NISCH: variants seen among roughly 807,000 people sequenced by gnomAD.
NISCH encodes the protein nischarin.
Under a neutral mutation model 138.4 loss-of-function variants are expected in NISCH, and 55 were observed. The observed-to-expected ratio is 0.40, with a 90% CI of 0.32 to 0.50. NISCH has a LOEUF of 0.50. Among genes scored for constraint, NISCH ranks in the 20% least tolerant of loss-of-function variants. NISCH has a pLI of 0.71. For missense variants in NISCH, 1,643 were observed against 2,005.5 expected (o/e 0.82, Z 3.45); for synonymous variants, 860 against 861.5 (o/e 1.00, Z 0.03).
chr3:52,491,607 C>G, intron 20 of NISCH, 94 bp downstream of exon 20: 2 of 1,366,486 alleles, frequency 1.5e-6, no homozygotes, highest in African/African-American at 1.5e-5. Context: ...CTCTCTGCCT[C>G]TATGTCTCTC....
Position 52,491,940 on chromosome 3 carries a change from A to G in NISCH, c.3973A>G (p.Ile1325Val), listed in dbSNP as rs200062389. 2 of 1,613,526 alleles carry G rather than the reference A, an allele frequency of 1.2e-6. No homozygotes were observed. The highest frequency in any genetic ancestry group is 1.7e-5 in the Admixed American group (1 of 60,030). ...VKFTYPSEEEIGDLTFTVAQK... is the reference protein window; with the variant it reads ...VKFTYPSEEEVGDLTFTVAQK... ...GTTTACCTACCCCAGTGAGGAGGAG[A>G]TTGGGGACCTGACGTTCACTGTGGC... The change falls in exon 21 of 21, where the codon ATT (isoleucine) becomes GTT (valine). Residue 1325 changes from isoleucine (I) to valine (V), a missense_variant. By Grantham distance (29) the Ile-to-Val change is conservative. Transcript: ENST00000345716.
rs1335854966 is a variant in NISCH, at chr3:52,480,310, A to G, written c.1528+15A>G. On this transcript the variant is annotated intron_variant, in intron 13 of 20. Transcript: ENST00000345716. ...CTCTAACCAAGGTAATCGTGTATGTATCTTGCTTCTAGTGGAGCCACACAG... is the reference window on the plus strand; with the variant it reads ...CTCTAACCAAGGTAATCGTGTATGTGTCTTGCTTCTAGTGGAGCCACACAG... 1.2e-6 allele frequency: 2 copies of G among 1,613,430 alleles called. No individual in the cohort carries two copies. The highest frequency in any genetic ancestry group is 8.5e-7 in the Non-Finnish European group (1 of 1,179,962).
At chr3:52,456,912 A>G (rs1706490705) in intron 1 of NISCH, among the ~76,000 whole-genome samples, 1 of 152,192 alleles carries the variant, frequency 6.6e-6, no homozygotes, top group Non-Finnish European at 1.5e-5. Flanking sequence ...CCAGAGGGCC[A>G]TCTTCAAAAA....
rs56114678 is a variant in NISCH at position 52,473,766 on chromosome 3, G to T, written c.702G>T (p.Gly234=). The change falls in exon 7 of 21, where the codon GGG becomes GGT. Residue 234 remains glycine (G), a synonymous_variant. Coordinates refer to ENST00000345716, the MANE Select transcript of NISCH (RefSeq NM_007184.4). ...ISHCDAKHIR[G]LVASKPTLAT... ...ACTGTGATGCTAAGCACATCAGAGG[G>T]CTGGTCGCATCGAAGCCCACCTTAG... 6.2e-7 allele frequency: 1 copy of T among 1,607,538 alleles called. No individual in the cohort carries two copies. The highest frequency in any genetic ancestry group is 8.5e-7 in the Non-Finnish European group (1 of 1,174,810).
At chr3:52,486,255 A>G (rs968118824) in intron 15 of NISCH, among the ~76,000 whole-genome samples, 4 of 151,852 alleles carry the variant, frequency 2.6e-5, no homozygotes, top group Non-Finnish European at 4.4e-5. Context: ...AGCCCGGACC[A>G]CAGGCGCACG....
At chr3:52,474,457 C>A (rs1002015930) in intron 7 of NISCH, among the ~76,000 whole-genome samples, 1 of 152,072 alleles carries the variant, frequency 6.6e-6, no homozygotes, top group African/African-American at 2.4e-5. Flanking sequence ...CCACCACACC[C>A]AGCTAATTTT....
At chr3:52,472,887 A>G (rs1011062) in intron 6 of NISCH, among the ~76,000 whole-genome samples, 146,737 of 152,382 alleles carry the variant, frequency 0.96, 70,700 homozygotes, top group African/African-American at 0.99. Flanking sequence ...TTTGAAAAGA[A>G]AAGTCAGTAA....
chr3:52,458,483 C>G (rs1040213090), intron 2 of NISCH, among the ~76,000 whole-genome samples, 179 bp from the exon 3 acceptor site: 1 of 152,124 alleles, frequency 6.6e-6, no homozygotes, highest in Non-Finnish European at 1.5e-5. Flanking sequence ...ATTTCTAATG[C>G]TAATTGGATT....
chr3:52,457,771 T>TTTGCTGCTGGGGGAGGAGACTCCTTG (rs1164602192), intron 1 of NISCH, 72 bp from the exon 2 acceptor site: 149 of 1,052,980 alleles, frequency 1.4e-4, no homozygotes, highest in Non-Finnish European at 2.2e-4. Context: ...AATTGCAGCT[T>TTTGCTGCTGGGGGAGGAGACTCCTTG]TTGCTGCTGG....
rs370312468 is a variant in NISCH at position 52,461,629 on chromosome 3, C to T, written c.360+2785C>T. Among the ~76,000 whole-genome samples, 100 of 152,132 alleles carry T rather than the reference C, an allele frequency of 6.6e-4. 1 individual carries two copies. The highest frequency in any genetic ancestry group is 6.8e-3 in the Middle Eastern group (2 of 294). On this transcript the variant is annotated intron_variant, in intron 3 of 20. Coordinates refer to ENST00000345716, the MANE Select transcript of NISCH (RefSeq NM_007184.4). ...CTGTAATCCCAGCACTTTGGGAGGC[C>T]GAGGCGGGTGGATCACGAGGTCAGG...
At chr3:52,488,874 G>A (rs1253058121) in intron 16 of NISCH, among the ~76,000 whole-genome samples, 1 of 152,208 alleles carries the variant, frequency 6.6e-6, no homozygotes, top group Non-Finnish European at 1.5e-5. Context: ...ATGAAGGGCA[G>A]GCCAAGGGGG....
At chr3:52,472,073 GGGGACTGTTGGT>G (rs1425708501) in intron 5 of NISCH, 96 bp downstream of exon 5, 1 of 1,348,846 alleles carries the variant, frequency 7.4e-7, no homozygotes, top group African/African-American at 1.5e-5. Flanking sequence ...GGAGACCATG[GGGGACTGTTGGT>G]GGAAGGAAGG....
chr3:52,491,628 T>G (rs1707568322), intron 20 of NISCH, 115 bp downstream of exon 20: 2 of 1,275,982 alleles, frequency 1.6e-6, no homozygotes, highest in African/African-American at 3.0e-5. Context: ...TTTTCTCACT[T>G]AGCTGGCCAG....
rs892621873 is a variant in NISCH, at chr3:52,478,899, G to A, written c.1302+322G>A. The stretch of plus-strand genomic sequence containing the variant: ...AAACCCAAAGGGTTTGCCTTTGCCA[G>A]TGTAGCCCAGCCTGGTGTCTGCTGC... On this transcript the variant is annotated intron_variant, in intron 11 of 20. Transcript: ENST00000345716. Among the ~76,000 whole-genome samples the A allele has an allele frequency of 2.6e-5, 4 of 152,186 alleles. No individual in the cohort carries two copies. The East Asian group carries it at 7.7e-4, about 29-fold the overall frequency.
intron 8 of NISCH, 105 bp downstream of exon 8, chr3:52,476,704 CT>C: frequency 8.6e-7 from 1 of 1,160,172 alleles, no homozygotes; most frequent in Non-Finnish European, 1.3e-6. Context: ...AAACCTATAT[CT>C]AGTGCTCTGT....
intron 13 of NISCH, among the ~76,000 whole-genome samples, chr3:52,482,743 C>T (rs1006413688): frequency 1.3e-5 from 2 of 152,166 alleles, no homozygotes; most frequent in Non-Finnish European, 2.9e-5. Flanking sequence ...CGCCACCTGC[C>T]GCATCTTAGA....
chr3:52,487,757 C>T lies in NISCH; in HGVS notation c.2265C>T (p.Ser755=). Residue 755 remains serine, a synonymous_variant, in exon 16 of 21, where the codon TCC becomes TCT. Coordinates refer to ENST00000345716, the MANE Select transcript of NISCH (RefSeq NM_007184.4). This position sits in a 1 kb window ranked among gnomAD's most constrained non-coding sequence, Gnocchi z 9.1. ...ESRGSSQHIL[S]SLRFVFCFPH... is the part of the protein sequence containing the mutation. The stretch of plus-strand genomic sequence containing the variant: ...GGGGCAGCAGCCAGCACATCCTCTC[C>T]TCCCTGCGCTTTGTCTTTTGCTTCC... 1 of 1,613,846 alleles carries T rather than the reference C, an allele frequency of 6.2e-7. No individual in the cohort carries two copies. The highest frequency in any genetic ancestry group is 8.5e-7 in the Non-Finnish European group (1 of 1,180,030).
rs1460844542 is a variant in NISCH at position 52,458,853 on chromosome 3, C to T, written c.360+9C>T. 3.8e-6 allele frequency: 6 copies of T among 1,581,618 alleles called. No individual in the cohort carries two copies. Among genetic ancestry groups the T allele is most frequent in the South Asian group, 2.3e-5 (2 of 87,276 alleles). ...TGCATTTTCACTTCTATGTAAGTTCCTCATCGGGTTTTCACCTGTGCCTGC... is the reference window on the plus strand; with the variant it reads ...TGCATTTTCACTTCTATGTAAGTTCTTCATCGGGTTTTCACCTGTGCCTGC... On this transcript the variant is annotated intron_variant, in intron 3 of 20. Coordinates refer to ENST00000345716, the MANE Select transcript of NISCH (RefSeq NM_007184.4).
Position 52,490,067 on chromosome 3 carries a change from G to A in NISCH, c.3457-8G>A, listed in dbSNP as rs375618563. 1.7e-5 allele frequency: 27 copies of A among 1,613,228 alleles called. No individual in the cohort carries two copies. The highest frequency in any genetic ancestry group is 3.3e-5 in the South Asian group (3 of 91,068). ...TGGTGGAGCTGACAGGAGGCCCCCC[G>A]TCTTCAGGTTGAAAACGAGGAGCTG... On this transcript the variant is annotated splice_polypyrimidine_tract_variant and splice_region_variant and intron_variant, in intron 17 of 20. Coordinates refer to ENST00000345716, the MANE Select transcript of NISCH (RefSeq NM_007184.4).
Sources: allele counts gnomAD v4.1 joint callset (sites outside exome capture counted in the v4.1 genomes callset), GRCh38; gene constraint gnomAD v4.1.1; non-coding constraint Gnocchi (gnomAD v3.1); transcripts MANE v1.5; gene names NCBI Gene and HGNC (gene_info 2026-07-23, HGNC 2026-07-21).